Variants in UTRN observed in about 807,000 individuals in gnomAD.
UTRN encodes dystrophin-related protein 1.
UTRN carries 283 observed loss-of-function variants against 463.9 expected under a neutral mutation model. The observed-to-expected ratio is 0.61, with a 90% CI of 0.55 to 0.67. The LOEUF is 0.67. UTRN is among the 30% of genes least tolerant of loss of function. UTRN has a pLI of 0.00. For missense variants in UTRN, 3,922 were observed against 4,084.3 expected (o/e 0.96, Z 1.08); for synonymous variants, 1,442 against 1,431.5 (o/e 1.01, Z -0.17).
intron 60 of UTRN, among the ~76,000 whole-genome samples, chr6:144,777,757 AGGCTATAAAAGGCACCT>A (rs1775462311): frequency 6.6e-6 from 1 of 152,218 alleles, no homozygotes; most frequent in African/African-American, 2.4e-5. Flanking sequence ...CATATGAGCC[AGGCTATAAAAGGCACCT>A]GGGATTTAGG....
intron 51 of UTRN, among the ~76,000 whole-genome samples, chr6:144,649,351 G>A (rs1370391086): frequency 6.6e-6 from 1 of 152,010 alleles, no homozygotes; most frequent in African/African-American, 2.4e-5. Flanking sequence ...TAGGAGTCAG[G>A]GCTGCACTCT....
intron 51 of UTRN, among the ~76,000 whole-genome samples, chr6:144,585,976 T>C (rs1802426486): frequency 6.6e-6 from 1 of 152,278 alleles, no homozygotes; most frequent in African/African-American, 2.4e-5. Flanking sequence ...TATTGGCATT[T>C]TGAAATTCAG....
intron 51 of UTRN, among the ~76,000 whole-genome samples, chr6:144,677,048 C>G (rs17074028): frequency 4.6e-5 from 7 of 151,862 alleles, no homozygotes; most frequent in African/African-American, 1.7e-4. Context: ...GGTACATGAA[C>G]TATAGATTAC....
intron 51 of UTRN, among the ~76,000 whole-genome samples, chr6:144,587,270 G>T (rs768475465): frequency 2.6e-5 from 4 of 152,110 alleles, no homozygotes; most frequent in Non-Finnish European, 5.9e-5. Context: ...GTCTTCTGTG[G>T]TATTAAAGCA....
Position 144,727,989 on chromosome 6 carries a change from A to G in UTRN, c.7810-2368A>G, listed in dbSNP as rs550923538. On this transcript the variant is annotated intron_variant, in intron 53 of 74. Transcript: ENST00000367545. ...GTGGCAGGCACCTGTAATCCCAGCT[A>G]CTTGGGAGGCTGAGGCAGGAGAATC... Among the ~76,000 whole-genome samples, 5 of 151,756 alleles carry G rather than the reference A, an allele frequency of 3.3e-5. No homozygotes were observed. In the South Asian group the frequency reaches 1.0e-3, roughly 32 times the overall value.
intron 52 of UTRN, among the ~76,000 whole-genome samples, chr6:144,697,561 A>T (rs1201125867): frequency 2.0e-5 from 3 of 152,182 alleles, no homozygotes; most frequent in Non-Finnish European, 4.4e-5. Context: ...AATCCACTAA[A>T]CACATAGTTA....
chr6:144,360,253 A>T (rs186501596), intron 2 of UTRN, among the ~76,000 whole-genome samples: 76 of 151,262 alleles, frequency 5.0e-4, no homozygotes, highest in African/African-American at 1.8e-3. Context: ...GCTCAATGCA[A>T]CCTTCACCTC....
At chr6:144,470,191 G>C (rs1790390333) in intron 23 of UTRN, among the ~76,000 whole-genome samples, 1 of 152,200 alleles carries the variant, frequency 6.6e-6, no homozygotes, top group Non-Finnish European at 1.5e-5. Flanking sequence ...TCGTCATCAT[G>C]GCCCGTTCTC....
chr6:144,503,605 CTA>C (rs1473861767), intron 34 of UTRN, among the ~76,000 whole-genome samples: 1 of 152,060 alleles, frequency 6.6e-6, no homozygotes. Flanking sequence ...TTCCATTGGT[CTA>C]TATATCTGTT....
chr6:144,767,004 G>A (rs1466694506), intron 58 of UTRN, among the ~76,000 whole-genome samples: 2 of 152,056 alleles, frequency 1.3e-5, no homozygotes, highest in Non-Finnish European at 2.9e-5. Context: ...TGAGTTGGTG[G>A]TGGAGAGAGA....
chr6:144,621,026 G>A (rs1775312942), intron 51 of UTRN, among the ~76,000 whole-genome samples: 1 of 152,084 alleles, frequency 6.6e-6, no homozygotes, highest in Non-Finnish European at 1.5e-5. Context: ...GGATCTAAGG[G>A]TATCATGAAG....
chr6:144,742,612 C>G (rs1190258565), intron 54 of UTRN, among the ~76,000 whole-genome samples: 1 of 152,076 alleles, frequency 6.6e-6, no homozygotes, highest in Non-Finnish European at 1.5e-5. Flanking sequence ...ATCTAAGCCT[C>G]CCAGAGCTAG....
At chr6:144,712,069 G>C (rs1381118827) in intron 53 of UTRN, among the ~76,000 whole-genome samples, 2 of 152,096 alleles carry the variant, frequency 1.3e-5, no homozygotes, top group Non-Finnish European at 2.9e-5. Flanking sequence ...TTGAGGTCTT[G>C]TTGTGTTAGA....
At chr6:144,489,027 GTTTATTTTATTTTAT>G (rs141795341) in intron 30 of UTRN, among the ~76,000 whole-genome samples, 193 bp downstream of exon 30, 2 of 148,354 alleles carry the variant, frequency 1.3e-5, no homozygotes, top group East Asian at 3.9e-4. Flanking sequence ...GTCTTATATA[GTTTATTTTATTTTAT>G]TTTATTTTAT....
At chr6:144,352,518 G>A (rs1344275730) in intron 2 of UTRN, among the ~76,000 whole-genome samples, 2 of 152,152 alleles carry the variant, frequency 1.3e-5, no homozygotes, top group African/African-American at 4.8e-5. Context: ...TGTCCCACGG[G>A]ACATGTCATA....
At chr6:144,849,278 G>T (rs1782285197) in intron 74 of UTRN, among the ~76,000 whole-genome samples, 1 of 152,120 alleles carries the variant, frequency 6.6e-6, no homozygotes, top group Admixed American at 6.6e-5. Context: ...GCTTTTTAGG[G>T]TGGCCCATTA....
intron 41 of UTRN, among the ~76,000 whole-genome samples, chr6:144,526,165 T>C (rs1335171661): frequency 3.3e-5 from 5 of 152,228 alleles, no homozygotes; most frequent in Non-Finnish European, 7.4e-5. Context: ...CTGCAGTTGT[T>C]GCATAGAATG....
At chr6:144,661,041 C>T (rs940320186) in intron 51 of UTRN, among the ~76,000 whole-genome samples, 1 of 152,144 alleles carries the variant, frequency 6.6e-6, no homozygotes, top group African/African-American at 2.4e-5. Context: ...TTCCAATTTC[C>T]AGTCTTTAAA....
rs904575343 is a variant in UTRN, at chr6:144,840,793, G to C, written c.10231G>C (p.Val3411Leu). Residue 3411 changes from valine (V) to leucine (L), a missense_variant, in exon 73 of 75, where the codon GTC becomes CTC. Val to Leu is a conservative substitution (Grantham distance 32). This residue lies in a region of UTRN where 1,309 missense variants were observed against 1,452.6 expected (regional missense o/e 0.90). Transcript: ENST00000367545. ...PHDTSTDLTE[V>L]MEQIHSTFPS... ...CGACACCAGCACGGATCTCACGGAG[G>C]TCATGGAGCAGATTCACAGCACGTT... The C allele has an allele frequency of 3.1e-6, 5 of 1,614,076 alleles. No homozygotes were observed. The highest frequency in any genetic ancestry group is 4.2e-6 in the Non-Finnish European group (5 of 1,179,980).
Sources: allele counts gnomAD v4.1 joint callset (sites outside exome capture counted in the v4.1 genomes callset), GRCh38; gene constraint gnomAD v4.1.1; regional missense constraint gnomAD v4.1.1; transcripts MANE v1.5; gene names NCBI Gene and HGNC (gene_info 2026-07-23, HGNC 2026-07-21).